The following PAPPA2 variants were observed in gnomAD, a reference collection of about 807,000 sequenced individuals.
PAPPA2 encodes the protein pappalysin-2.
A neutral mutation model predicts 176.4 loss-of-function variants in PAPPA2; 86 were observed. That is an observed-to-expected ratio of 0.49 (90% CI 0.41 to 0.58). The LOEUF (loss-of-function observed/expected upper bound fraction) is 0.58. Among genes scored for constraint, PAPPA2 ranks in the 20% least tolerant of loss-of-function variants. PAPPA2 has a pLI of 0.00. For missense variants in PAPPA2, 2,073 were observed against 2,256.9 expected, an observed-to-expected ratio of 0.92 and a Z score of 1.65; for synonymous variants, 809 against 852.2, an observed-to-expected ratio of 0.95 and a Z score of 0.88.
At chr1:176,510,657 G>A (rs189754270) in intron 1 of PAPPA2, among the ~76,000 whole-genome samples, 2 of 151,592 alleles carry the variant, frequency 1.3e-5, no homozygotes, top group East Asian at 1.9e-4. Context: ...AACGGCAGTC[G>A]TTTTATAGTT....
intron 7 of PAPPA2, among the ~76,000 whole-genome samples, chr1:176,696,339 T>G (rs929098382): frequency 8.2e-6 from 1 of 121,886 alleles, no homozygotes; most frequent in African/African-American, 3.1e-5. Flanking sequence ...AGAAAACTCA[T>G]GTACTGGCTG....
intron 4 of PAPPA2, among the ~76,000 whole-genome samples, chr1:176,672,926 G>C (rs1312058117): frequency 6.6e-6 from 1 of 152,112 alleles, no homozygotes; most frequent in African/African-American, 2.4e-5. Context: ...CAAGAGCATT[G>C]CATGTGTTGA....
At chr1:176,579,831 T>G (rs2102626395) in intron 2 of PAPPA2, among the ~76,000 whole-genome samples, 1 of 152,300 alleles carries the variant, frequency 6.6e-6, no homozygotes, top group South Asian at 2.1e-4. Context: ...CTTATACATT[T>G]ATGGTAGAGG....
At chr1:176,577,854 C>G (rs766208593) in intron 2 of PAPPA2, among the ~76,000 whole-genome samples, 2 of 152,064 alleles carry the variant, frequency 1.3e-5, no homozygotes, top group Non-Finnish European at 2.9e-5. Flanking sequence ...TGTTTTTGCT[C>G]ATTTTCCTCC....
chr1:176,701,955 C>G (rs1277609970), intron 8 of PAPPA2, among the ~76,000 whole-genome samples: 1 of 152,198 alleles, frequency 6.6e-6, no homozygotes, highest in African/African-American at 2.4e-5. Flanking sequence ...TGACAAGCTC[C>G]TTTCATCTCT....
chr1:176,561,937 C>A (rs1036826610), intron 2 of PAPPA2, among the ~76,000 whole-genome samples: 3 of 152,148 alleles, frequency 2.0e-5, no homozygotes, highest in Non-Finnish European at 2.9e-5. Context: ...GGCAAGACAG[C>A]GTGCGCAGCG....
intron 10 of PAPPA2, 64 bp downstream of exon 10, chr1:176,706,514 T>C: frequency 1.4e-6 from 2 of 1,389,438 alleles, no homozygotes; most frequent in Non-Finnish European, 2.0e-6. Flanking sequence ...TTTTGTGAGT[T>C]CTTGATATCC....
At chr1:176,676,368 CTG>C (rs1339918907) in intron 4 of PAPPA2, among the ~76,000 whole-genome samples, 1 of 151,902 alleles carries the variant, frequency 6.6e-6, no homozygotes, top group African/African-American at 2.4e-5. Context: ...ATTGCTTAAA[CTG>C]TGTACATCGA....
At chr1:176,512,766 T>C (rs1483210383) in intron 1 of PAPPA2, among the ~76,000 whole-genome samples, 1 of 152,216 alleles carries the variant, frequency 6.6e-6, no homozygotes, top group Non-Finnish European at 1.5e-5. Context: ...AAATCATTGT[T>C]CAATAAAATT....
At chr1:176,655,913 G>C (rs2102750524) in intron 3 of PAPPA2, among the ~76,000 whole-genome samples, 2 of 151,716 alleles carry the variant, frequency 1.3e-5, no homozygotes, top group African/African-American at 4.8e-5. Context: ...ACCTTTTCCT[G>C]GGCCAGATTA....
chr1:176,594,614 GCTT>G lies in PAPPA2; in HGVS notation c.1019_1021del (p.Phe340del), dbSNP rs773901878. On this transcript the variant is annotated inframe_deletion, in exon 3 of 23. Transcript: ENST00000367662. ...AAGGACAAGGGAAAGCGGGATGCTC[GCTT>G]CTTCTTCTCCCTCTGCACCGACCGC... 1.7e-5 allele frequency: 28 copies of G among 1,614,066 alleles called. No individual in the cohort carries two copies. Among genetic ancestry groups the G allele is most frequent in the African/African-American group, 2.7e-5 (2 of 74,924 alleles).
intron 1 of PAPPA2, among the ~76,000 whole-genome samples, chr1:176,512,105 C>A (rs207460673): frequency 1.3e-5 from 2 of 148,854 alleles, no homozygotes; most frequent in Non-Finnish European, 3.0e-5. Context: ...TATCATTTTT[C>A]AGAAGACATA....
chr1:176,693,063 A>G (rs533338127), intron 6 of PAPPA2, among the ~76,000 whole-genome samples: 2 of 152,208 alleles, frequency 1.3e-5, no homozygotes, highest in Non-Finnish European at 2.9e-5. Flanking sequence ...AAAGGAGAGA[A>G]AGGTAGGAAA....
chr1:176,675,284 G>A lies in PAPPA2; in HGVS notation c.2137+4169G>A, dbSNP rs1659232320. Among the ~76,000 whole-genome samples the A allele has an allele frequency of 3.9e-5, 6 of 152,004 alleles. No individual in the cohort carries two copies. The South Asian group carries it at 1.2e-3, about 31-fold the overall frequency. ...TGCACAGTGTCTAGCAATCAATAAA[G>A]AAATATCAACTATTTCAGGAGACAG... On this transcript the variant is annotated intron_variant, in intron 4 of 22. Transcript: ENST00000367662.
At chr1:176,471,480 C>T (rs1262489931) in intron 1 of PAPPA2, among the ~76,000 whole-genome samples, 1 of 152,086 alleles carries the variant, frequency 6.6e-6, no homozygotes, top group African/African-American at 2.4e-5. Context: ...AAGTGTAGAG[C>T]TTAATGGATT....
chr1:176,699,686 C>T (rs564454855), intron 8 of PAPPA2, 97 bp downstream of exon 8: 112 of 1,483,234 alleles, frequency 7.6e-5, no homozygotes, highest in South Asian at 6.2e-4. Flanking sequence ...TGCCCTTAGT[C>T]GGAGGAATGT....
At chr1:176,831,038 A>G (rs184029661) in intron 21 of PAPPA2, among the ~76,000 whole-genome samples, 1 of 152,350 alleles carries the variant, frequency 6.6e-6, no homozygotes, top group East Asian at 1.9e-4. Flanking sequence ...AGGGGGTCAC[A>G]TGGAGGACAG....
intron 12 of PAPPA2, among the ~76,000 whole-genome samples, chr1:176,715,365 G>A (rs1661322241): frequency 6.6e-6 from 1 of 152,192 alleles, no homozygotes; most frequent in Admixed American, 6.5e-5. Context: ...AACTGGGGAA[G>A]GTGGAAGCAC....
intron 17 of PAPPA2, among the ~76,000 whole-genome samples, chr1:176,788,118 C>A (rs1004608331): frequency 1.5e-4 from 23 of 152,030 alleles, no homozygotes; most frequent in African/African-American, 5.3e-4. Context: ...AATGATTCAA[C>A]TTGGTGTTAT....
Sources: gnomAD v4.1 joint callset for allele counts (sites outside exome capture counted in the v4.1 genomes callset) on GRCh38, gnomAD v4.1.1 for gene constraint, MANE v1.5 for transcripts, NCBI Gene and HGNC (gene_info 2026-07-23, HGNC 2026-07-21) for gene names.